The following LRRK2 variants were observed in gnomAD, a reference collection of about 807,000 sequenced individuals.
LRRK2 encodes leucine-rich repeat serine/threonine-protein kinase 2.
In LRRK2, 203 loss-of-function variants were observed where a neutral mutation model predicts 302.6. The observed-to-expected ratio is 0.67, with a 90% CI of 0.60 to 0.75. The LOEUF (loss-of-function observed/expected upper bound fraction) is 0.75, where lower values mean the gene tolerates loss of function less well. Among genes scored for constraint, LRRK2 ranks in the 30% least tolerant of loss-of-function variants. The pLI is 0.00. For missense variants in LRRK2, 2,830 were observed against 2,951.0 expected (o/e 0.96, Z 0.95); for synonymous variants, 1,066 against 1,031.9 (o/e 1.03, Z -0.63).
rs141252946 is a variant in LRRK2, at chr12:40,295,581, G to T, written c.3033G>T (p.Glu1011Asp). Reference protein sequence around the residue: ...SQKCCISVHLEHLEKLELHQN... With the variant: ...SQKCCISVHLDHLEKLELHQN... ...AATGCTGTATAAGTGTTCATTTGGA[G>T]CATCTTGAAAAGCTGGAGCTTCACC... Residue 1011 changes from glutamate to aspartate, a missense_variant, in exon 23 of 51, where the codon GAG becomes GAT. Glu to Asp is a conservative substitution (Grantham distance 45). Coordinates refer to ENST00000298910, the MANE Select transcript of LRRK2 (RefSeq NM_198578.4). 19 of 1,613,890 alleles carry T rather than the reference G, an allele frequency of 1.2e-5. No individual in the cohort carries two copies. The highest frequency in any genetic ancestry group is 1.0e-5 in the Non-Finnish European group (12 of 1,179,978).
intron 14 of LRRK2, among the ~76,000 whole-genome samples, chr12:40,270,696 A>T (rs1419192980): frequency 6.6e-6 from 1 of 152,210 alleles, no homozygotes; most frequent in Non-Finnish European, 1.5e-5. Flanking sequence ...TTATTAGGGT[A>T]TATCTCAATG....
intron 16 of LRRK2, among the ~76,000 whole-genome samples, chr12:40,276,496 G>A (rs942744001): frequency 6.6e-6 from 1 of 152,056 alleles, no homozygotes; most frequent in Non-Finnish European, 1.5e-5. Context: ...GGGTTTCGCC[G>A]TGTTGGCCAG....
At chr12:40,246,041 A>G (rs1180650125) in intron 7 of LRRK2, among the ~76,000 whole-genome samples, 1 of 151,962 alleles carries the variant, frequency 6.6e-6, no homozygotes, top group East Asian at 1.9e-4. Flanking sequence ...TCCTGATTTT[A>G]AACAGAATAT....
chr12:40,234,772 T>A (rs1223412216), intron 3 of LRRK2, among the ~76,000 whole-genome samples: 3 of 152,182 alleles, frequency 2.0e-5, no homozygotes, highest in Non-Finnish European at 2.9e-5. Context: ...ATACACAAAC[T>A]AACATCTTTA....
At chr12:40,232,414 C>T in intron 3 of LRRK2, 31 bp downstream of exon 3, 1 of 1,511,582 alleles carries the variant, frequency 6.6e-7, no homozygotes, top group South Asian at 1.1e-5. Flanking sequence ...AAACAAATGG[C>T]CTTGAGTATT....
At chr12:40,283,746 G>C in intron 18 of LRRK2, 129 bp from the exon 19 acceptor site, 1 of 724,926 alleles carries the variant, frequency 1.4e-6, no homozygotes, top group Non-Finnish European at 2.2e-6. Flanking sequence ...GATCAGTTTT[G>C]CCTTATTTTA....
chr12:40,258,776 C>A (rs550360698), intron 12 of LRRK2, among the ~76,000 whole-genome samples: 6 of 152,102 alleles, frequency 3.9e-5, no homozygotes, highest in Non-Finnish European at 4.4e-5. Flanking sequence ...TAAACTGGGA[C>A]TTTAAGTTGG....
chr12:40,241,278 A>G (rs1305577439), intron 6 of LRRK2, among the ~76,000 whole-genome samples: 1 of 152,126 alleles, frequency 6.6e-6, no homozygotes, highest in Non-Finnish European at 1.5e-5. Flanking sequence ...TGGAGTGGAG[A>G]GCATGAAGGG....
At chr12:40,235,905 A>G (rs1941442435) in intron 4 of LRRK2, among the ~76,000 whole-genome samples, 191 bp downstream of exon 4, 1 of 150,950 alleles carries the variant, frequency 6.6e-6, no homozygotes, top group South Asian at 2.1e-4. Flanking sequence ...TAATCTAAAT[A>G]TCAGTTATTT....
Position 40,258,622 on chromosome 12 carries a change from G to A in LRRK2, c.1419-858G>A, listed in dbSNP as rs568079553. Among the ~76,000 whole-genome samples the A allele has an allele frequency of 2.0e-5, 3 of 152,270 alleles. No individual in the cohort carries two copies. In the South Asian group the frequency reaches 6.2e-4, roughly 32 times the overall value. On this transcript the variant is annotated intron_variant, in intron 12 of 50. Coordinates refer to ENST00000298910, the MANE Select transcript of LRRK2 (RefSeq NM_198578.4). ...GTCTGCCCCTACAGAACTCATGTGA[G>A]TCGAGAGACTGATAAGTAAACAGAT...
In LRRK2 at chr12:40,314,156, A is replaced by G; in HGVS notation, c.4721A>G (p.His1574Arg). The G allele has an allele frequency of 6.2e-7, 1 of 1,612,414 alleles. No homozygotes were observed. Among genetic ancestry groups the G allele is most frequent in the Non-Finnish European group, 8.5e-7 (1 of 1,178,808 alleles). ...LDENELPHAVHFLNESGVLLH... is the reference protein window; with the variant it reads ...LDENELPHAVRFLNESGVLLH... ...GAAAATGAGCTTCCTCACGCAGTTC[A>G]CTTTCTAAATGAATCAGGTTTGTGT... is the stretch of plus-strand genomic sequence containing the variant. The change falls in exon 32 of 51, where the codon CAC (histidine) becomes CGC (arginine). Residue 1574 changes from histidine (H) to arginine (R), a missense_variant. Coordinates refer to ENST00000298910, the MANE Select transcript of LRRK2 (RefSeq NM_198578.4).
chr12:40,332,577 A>G (rs1348607915), intron 39 of LRRK2, among the ~76,000 whole-genome samples: 2 of 152,222 alleles, frequency 1.3e-5, no homozygotes, highest in Non-Finnish European at 2.9e-5. Context: ...TAAAAAATAC[A>G]TAGTTATAAT....
intron 45 of LRRK2, 143 bp downstream of exon 45, chr12:40,354,635 A>G (rs1946469318): frequency 9.1e-6 from 7 of 768,010 alleles, no homozygotes; most frequent in Non-Finnish European, 1.5e-5. Context: ...GAATTGTGGA[A>G]GGTCACAGAG....
At chr12:40,239,512 T>G (rs10878249) in intron 5 of LRRK2, among the ~76,000 whole-genome samples, 1 of 151,930 alleles carries the variant, frequency 6.6e-6, no homozygotes, top group Non-Finnish European at 1.5e-5. Flanking sequence ...TCTAAGACAC[T>G]GGAGGTAGAC....
chr12:40,260,902 T>C (rs183146221), intron 13 of LRRK2, among the ~76,000 whole-genome samples: 1 of 152,306 alleles, frequency 6.6e-6, no homozygotes, highest in East Asian at 1.9e-4. Flanking sequence ...GAAGTCATTT[T>C]TGCTTTGTTC....
At chr12:40,284,885 A>G (rs575061620) in intron 19 of LRRK2, among the ~76,000 whole-genome samples, 1 of 152,224 alleles carries the variant, frequency 6.6e-6, no homozygotes, top group Admixed American at 6.5e-5. Context: ...TTTATGATGC[A>G]CTCACTAGCA....
At chr12:40,281,083 A>G (rs541488671) in intron 18 of LRRK2, among the ~76,000 whole-genome samples, 6 of 148,184 alleles carry the variant, frequency 4.0e-5, no homozygotes, top group South Asian at 2.2e-4. Flanking sequence ...AAAAAAAAAC[A>G]AAAAACGAAC....
At chr12:40,230,193 G>T (rs977421667) in intron 2 of LRRK2, among the ~76,000 whole-genome samples, 4 of 151,930 alleles carry the variant, frequency 2.6e-5, no homozygotes, top group Non-Finnish European at 5.9e-5. Flanking sequence ...TTGAAATTAT[G>T]TAAAAGGAAG....
intron 38 of LRRK2, among the ~76,000 whole-genome samples, chr12:40,325,460 T>G (rs1190369476): frequency 3.3e-5 from 5 of 152,226 alleles, no homozygotes; most frequent in Non-Finnish European, 7.3e-5. Context: ...CATTTTGGCT[T>G]GGATAACTAA....
Sources: gnomAD v4.1 joint callset for allele counts (sites outside exome capture counted in the v4.1 genomes callset) on GRCh38, gnomAD v4.1.1 for gene constraint, MANE v1.5 for transcripts, NCBI Gene and HGNC (gene_info 2026-07-23, HGNC 2026-07-21) for gene names.